Variants in TBC1D12 observed in about 807,000 individuals in gnomAD.
The protein encoded by TBC1D12 is TBC1 domain family, member 12.
TBC1D12 carries 56 observed loss-of-function variants against 86.7 expected under a neutral mutation model. The ratio of observed to expected loss-of-function variants is 0.65; its 90% CI spans 0.52 to 0.81. TBC1D12 has a LOEUF of 0.81. Among genes scored for constraint, TBC1D12 ranks in the 30% least tolerant of loss-of-function variants. TBC1D12 has a pLI of 0.00. For synonymous variants in TBC1D12, 421 were observed against 411.7 expected, an observed-to-expected ratio of 1.02 and a Z score of -0.27; for missense variants, 1,023 against 1,038.8, an observed-to-expected ratio of 0.98 and a Z score of 0.21.
rs184309876 is a variant in TBC1D12 at position 94,409,497 on chromosome 10, A to C, written c.971+5913A>C. Among the ~76,000 whole-genome samples the C allele has an allele frequency of 1.3e-4, 19 of 148,924 alleles. No homozygotes were observed. In the East Asian group the frequency reaches 3.6e-3, roughly 28 times the overall value. ...ATTGATCCTTTCAGCTCAGCCTCCC[A>C]AGTAGCTGAGACTACAGGCATGCAC... On this transcript the variant is annotated intron_variant, in intron 1 of 12. Coordinates refer to ENST00000225235, the MANE Select transcript of TBC1D12 (RefSeq NM_015188.2).
chr10:94,402,757 G>C lies in TBC1D12; in HGVS notation c.144G>C (p.Pro48=). 1 of 1,550,608 alleles carries C rather than the reference G, an allele frequency of 6.4e-7. No homozygotes were observed. The highest frequency in any genetic ancestry group is 8.7e-7 in the Non-Finnish European group (1 of 1,147,048). The change falls in exon 1 of 13, where the codon CCG becomes CCC. Residue 48 remains proline, a synonymous_variant. Transcript: ENST00000225235. ...GCGGAGGCGTCGGCGCTGTGGAGCC[G>C]CCGGAGGAGGCTGACGAGGAGGAGG... is the stretch of plus-strand genomic sequence containing the variant. ...GFGGGVGAVE[P]PEEADEEEEA...
rs989888356 is a variant in TBC1D12 at position 94,402,571 on chromosome 10, T to C, written c.-43T>C. The C allele has an allele frequency of 5.6e-6, 9 of 1,605,046 alleles. No individual in the cohort carries two copies. In the Admixed American group the frequency reaches 1.4e-4, roughly 24 times the overall value. ...TGTTCTCTGGCCAAGCCTGCGCCTGTAGTCCTTCTTTGCCTCCTGGGGCGG... is the reference window on the plus strand; with the variant it reads ...TGTTCTCTGGCCAAGCCTGCGCCTGCAGTCCTTCTTTGCCTCCTGGGGCGG... On this transcript the variant is annotated 5_prime_UTR_variant, in exon 1 of 13. Transcript: ENST00000225235.
At chr10:94,442,152 G>A in intron 2 of TBC1D12, 133 bp downstream of exon 2, 1 of 1,017,092 alleles carries the variant, frequency 9.8e-7, no homozygotes, top group Non-Finnish European at 1.3e-6. Flanking sequence ...AGACTTTTGG[G>A]ATTATAAGTA....
chr10:94,464,153 T>G (rs1265776789), intron 2 of TBC1D12, among the ~76,000 whole-genome samples: 1 of 152,216 alleles, frequency 6.6e-6, no homozygotes, highest in Non-Finnish European at 1.5e-5. Context: ...TAAAGTGGGT[T>G]TCTTATAAAT....
At chr10:94,506,139 T>C (rs1186010313) in intron 6 of TBC1D12, among the ~76,000 whole-genome samples, 1 of 151,958 alleles carries the variant, frequency 6.6e-6, no homozygotes, top group East Asian at 1.9e-4. Context: ...CGGGCTCAAG[T>C]GATTCTCCTG....
chr10:94,522,343 G>A lies in TBC1D12; in HGVS notation c.1891-1G>A. 7.5e-7 allele frequency: 1 copy of A among 1,342,002 alleles called. No individual in the cohort carries two copies. Among genetic ancestry groups the A allele is most frequent in the Non-Finnish European group, 1.0e-6 (1 of 977,308 alleles). 83.1% of individuals were successfully genotyped at this position (1,342,002 alleles called of 1,614,324 possible). A position where few individuals can be genotyped will look rare whatever the true frequency, so the allele number is the denominator to read the frequency against. On this transcript the variant is annotated splice_acceptor_variant, in intron 10 of 12. Coordinates refer to ENST00000225235, the MANE Select transcript of TBC1D12 (RefSeq NM_015188.2). LOFTEE classifies it high-confidence loss of function. ...AATTTTATTGATTTTTTAATCTTTA[G>A]ATGTTGAAATATTTTGCAACATTTG...
chr10:94,472,267 A>G (rs1300205246), intron 2 of TBC1D12, among the ~76,000 whole-genome samples: 5 of 152,200 alleles, frequency 3.3e-5, no homozygotes, highest in African/African-American at 4.8e-5. Flanking sequence ...TATGTCATAC[A>G]TAGCTACTTT....
intron 7 of TBC1D12, chr10:94,508,762 C>T (rs1001756030): frequency 5.9e-5 from 9 of 152,038 alleles, no homozygotes; most frequent in African/African-American, 2.2e-4. Flanking sequence ...ATATTTATAA[C>T]AGATAGTGTC....
intron 2 of TBC1D12, among the ~76,000 whole-genome samples, chr10:94,457,666 CTGTT>C (rs2055648508): frequency 2.6e-5 from 4 of 152,314 alleles, no homozygotes; most frequent in Admixed American, 1.3e-4. Context: ...ATTTCTGTTA[CTGTT>C]TGTTAGTTGT....
Position 94,442,035 on chromosome 10 carries a change from G to A in TBC1D12, c.1095+16G>A. 6.3e-7 allele frequency: 1 copy of A among 1,591,040 alleles called. No individual in the cohort carries two copies. The highest frequency in any genetic ancestry group is 8.5e-7 in the Non-Finnish European group (1 of 1,172,220). ...CATTCAGCAGGTAAGTACTGACATAGCCATGTAGTTTACCCTAGCTTTTCA... is the reference window on the plus strand; with the variant it reads ...CATTCAGCAGGTAAGTACTGACATAACCATGTAGTTTACCCTAGCTTTTCA... On this transcript the variant is annotated intron_variant, in intron 2 of 12. Coordinates refer to ENST00000225235, the MANE Select transcript of TBC1D12 (RefSeq NM_015188.2).
chr10:94,440,206 G>A (rs1445410939), intron 1 of TBC1D12, among the ~76,000 whole-genome samples: 6 of 150,494 alleles, frequency 4.0e-5, no homozygotes, highest in Non-Finnish European at 8.9e-5. Context: ...GTCTTGCTCT[G>A]TTGCCCAGGC....
chr10:94,408,268 C>A (rs937484306), intron 1 of TBC1D12, among the ~76,000 whole-genome samples: 1 of 151,896 alleles, frequency 6.6e-6, no homozygotes, highest in African/African-American at 2.4e-5. Context: ...GATTTTTTTC[C>A]CTTTATCTGA....
chr10:94,508,055 A>G (rs570277269), intron 7 of TBC1D12, among the ~76,000 whole-genome samples: 1 of 152,334 alleles, frequency 6.6e-6, no homozygotes, highest in East Asian at 1.9e-4. Context: ...TTCTAGTCAG[A>G]AGCAGTGTCT....
intron 1 of TBC1D12, among the ~76,000 whole-genome samples, chr10:94,419,957 G>A (rs181601337): frequency 3.9e-5 from 6 of 152,298 alleles, no homozygotes; most frequent in Admixed American, 3.9e-4. Flanking sequence ...CATATTTTAA[G>A]AACTGATAAC....
In TBC1D12 at chr10:94,403,526, C is replaced by G; in HGVS notation, c.913C>G (p.Pro305Ala). 6.5e-7 allele frequency: 1 copy of G among 1,538,102 alleles called. No homozygotes were observed. Among genetic ancestry groups the G allele is most frequent in the Non-Finnish European group, 8.7e-7 (1 of 1,150,776 alleles). The part of the protein sequence containing the change: ...PVPLPAAEQG[P>A]AGASARARRS... ...GCCCTTGCCCGCCGCGGAGCAGGGT[C>G]CTGCGGGGGCTTCGGCCCGGGCTCG... is the stretch of plus-strand genomic sequence containing the variant. The change falls in exon 1 of 13, where the codon CCT becomes GCT. Residue 305 changes from proline to alanine, a missense_variant. Around this residue, in one of 2 missense-constraint regions of TBC1D12, gnomAD observed 628 missense variants for 531.1 expected, o/e 1.18. Coordinates refer to ENST00000225235, the MANE Select transcript of TBC1D12 (RefSeq NM_015188.2).
At chr10:94,485,631 C>G (rs183143083) in intron 3 of TBC1D12, among the ~76,000 whole-genome samples, 3 of 150,902 alleles carry the variant, frequency 2.0e-5, no homozygotes, top group African/African-American at 7.3e-5. Flanking sequence ...TAAGAATTCC[C>G]TCCTCTATTT....
At chr10:94,484,404 C>A (rs905971522) in intron 3 of TBC1D12, among the ~76,000 whole-genome samples, 1 of 151,796 alleles carries the variant, frequency 6.6e-6, no homozygotes, top group Non-Finnish European at 1.5e-5. Flanking sequence ...CCACACCCAG[C>A]TAATTTTGTA....
intron 2 of TBC1D12, among the ~76,000 whole-genome samples, chr10:94,468,224 CTAACTT>C (rs373898571): frequency 2.0e-5 from 3 of 152,160 alleles, no homozygotes; most frequent in African/African-American, 7.2e-5. Context: ...CAAATATTCT[CTAACTT>C]TAAGAAATGA....
intron 1 of TBC1D12, among the ~76,000 whole-genome samples, chr10:94,426,151 T>A (rs527470282): frequency 6.6e-6 from 1 of 152,268 alleles, no homozygotes; most frequent in South Asian, 2.1e-4. Flanking sequence ...TTTAACTTAA[T>A]TTTTCTTGTC....
Sources: allele counts gnomAD v4.1 joint callset (sites outside exome capture counted in the v4.1 genomes callset), GRCh38; gene constraint gnomAD v4.1.1; regional missense constraint gnomAD v4.1.1; transcripts MANE v1.5; gene names NCBI Gene and HGNC (gene_info 2026-07-23, HGNC 2026-07-21).